ZHX3: variants seen among roughly 807,000 people sequenced by gnomAD.
ZHX3 encodes the protein zinc fingers and homeoboxes protein 3.
Under a neutral mutation model 64.5 loss-of-function variants are expected in ZHX3, and 20 were observed. The observed-to-expected ratio is 0.31, with a 90% CI of 0.22 to 0.45. The LOEUF (loss-of-function observed/expected upper bound fraction) is 0.45, where lower values mean the gene tolerates loss of function less well. Ranked by LOEUF, ZHX3 falls within the 20% of genes least tolerant of loss-of-function variation. The pLI, the probability that ZHX3 is intolerant of heterozygous loss-of-function variation, is 1.00. For missense variants in ZHX3, 1,041 were observed against 1,195.8 expected (o/e 0.87, Z 1.91); for synonymous variants, 423 against 461.6 (o/e 0.92, Z 1.07).
intron 2 of ZHX3, among the ~76,000 whole-genome samples, chr20:41,227,957 C>G (rs750653744): frequency 6.6e-6 from 1 of 152,154 alleles, no homozygotes. Flanking sequence ...CTCTGTCCCA[C>G]TTATTCAACT....
intron 2 of ZHX3, among the ~76,000 whole-genome samples, chr20:41,234,841 C>T (rs2040858868): frequency 6.6e-6 from 1 of 152,210 alleles, no homozygotes; most frequent in Admixed American, 6.5e-5. Flanking sequence ...GCATGCAGGG[C>T]CAGGCACCTA....
rs1483851133 is a variant in ZHX3 at position 41,228,737 on chromosome 20, A to G, written c.-150-23671T>C. Among the ~76,000 whole-genome samples the G allele has an allele frequency of 1.1e-4, 16 of 152,236 alleles. No homozygotes were observed. Among genetic ancestry groups the G allele is most frequent in the Non-Finnish European group, 1.5e-5 (1 of 68,036 alleles). On this transcript the variant is annotated intron_variant, in intron 2 of 3. Transcript: ENST00000683867. The surrounding 1 kb of genome is among the most constrained non-coding windows in gnomAD (Gnocchi z 4.6). ...TTTCAACACGTGAATTTTAGGAGAT[A>G]CATTCAGTCCACTGCACCATACATC...
At chr20:41,296,232 T>TAAAAAAAAAAAA (rs57987896) in intron 1 of ZHX3, among the ~76,000 whole-genome samples, 3 of 73,002 alleles carry the variant, frequency 4.1e-5, no homozygotes, top group Non-Finnish European at 9.0e-5. Context: ...GTTCATAAAG[T>TAAAAAAAAAAAA]AAAAAAAAAA....
rs529791633 is a variant in ZHX3, at chr20:41,281,736, A to T, written c.-244-12653T>A. ...ACATGAGGTTAATTAGTCCACAGCCATGTCACATATCACCTTGCAAACAGT... is the reference window on the plus strand; with the variant it reads ...ACATGAGGTTAATTAGTCCACAGCCTTGTCACATATCACCTTGCAAACAGT... On this transcript the variant is annotated intron_variant, in intron 1 of 3. Transcript: ENST00000683867. 7.2e-4 allele frequency among the ~76,000 whole-genome samples: 109 copies of T among 152,388 alleles called. 1 individual carries two copies. In the South Asian group the frequency reaches 0.022, roughly 30 times the overall value.
intron 1 of ZHX3, among the ~76,000 whole-genome samples, chr20:41,286,907 CT>C (rs1455702251): frequency 6.6e-6 from 1 of 151,830 alleles, no homozygotes; most frequent in Non-Finnish European, 1.5e-5. Context: ...GCAGTTTCCC[CT>C]GAGCTCTCTC....
intron 1 of ZHX3, among the ~76,000 whole-genome samples, chr20:41,311,124 T>A (rs1443332977): frequency 6.6e-6 from 1 of 152,200 alleles, no homozygotes; most frequent in Non-Finnish European, 1.5e-5. Context: ...CTGATAATTT[T>A]TATAAATTCA....
chr20:41,225,966 T>A (rs73263512), intron 2 of ZHX3, among the ~76,000 whole-genome samples: 9,407 of 152,144 alleles, frequency 0.062, 959 homozygotes, highest in African/African-American at 0.22. Flanking sequence ...TTTCTAAGAG[T>A]TTGACTACTT....
chr20:41,207,466 T>C lies in ZHX3; in HGVS notation c.-150-2400A>G, dbSNP rs943161474. Reference sequence around the variant, plus strand: ...GAAGTAAAGCACTCCTCAGCAAATGTAAAAGAACAGAAATTATAATAAACT... The same window carrying C: ...GAAGTAAAGCACTCCTCAGCAAATGCAAAAGAACAGAAATTATAATAAACT... On this transcript the variant is annotated intron_variant, in intron 2 of 3. Transcript: ENST00000683867. Among the ~76,000 whole-genome samples, 14 of 152,264 alleles carry C rather than the reference T, an allele frequency of 9.2e-5. No individual in the cohort carries two copies. In the South Asian group the frequency reaches 2.1e-3, roughly 23 times the overall value.
At chr20:41,223,116 A>G (rs1038307443) in intron 2 of ZHX3, among the ~76,000 whole-genome samples, 1 of 152,108 alleles carries the variant, frequency 6.6e-6, no homozygotes, top group African/African-American at 2.4e-5. Context: ...TACTCTGATT[A>G]TTTTTCTTTC....
At chr20:41,261,475 T>C (rs889187880) in intron 2 of ZHX3, among the ~76,000 whole-genome samples, 2 of 152,220 alleles carry the variant, frequency 1.3e-5, no homozygotes, top group East Asian at 1.9e-4. Context: ...TTAGGTTGTG[T>C]GGGAACTGAG....
chr20:41,259,708 T>C (rs1461883252), intron 2 of ZHX3, among the ~76,000 whole-genome samples: 1 of 152,056 alleles, frequency 6.6e-6, no homozygotes, highest in Admixed American at 6.6e-5. Flanking sequence ...ATGAAACCTA[T>C]ATATATGTAA....
chr20:41,248,855 G>T (rs964531533), intron 2 of ZHX3, among the ~76,000 whole-genome samples: 1 of 152,266 alleles, frequency 6.6e-6, no homozygotes, highest in African/African-American at 2.4e-5. Context: ...CTAACAAAAA[G>T]ATTTTTCCCC....
At position 41,205,833 on chromosome 20, in the gene ZHX3, A is replaced by G. The variant is rs536075306; in HGVS notation, c.-150-767T>C. ...TGGTCTCACCTTGAGATCTGAGAACAGTTGGACTGCCTCCCCAAGTGGGTC... is the reference window on the plus strand; with the variant it reads ...TGGTCTCACCTTGAGATCTGAGAACGGTTGGACTGCCTCCCCAAGTGGGTC... On this transcript the variant is annotated intron_variant, in intron 2 of 3. Coordinates refer to ENST00000683867, the MANE Select transcript of ZHX3 (RefSeq NM_001384317.1). 4.6e-5 allele frequency among the ~76,000 whole-genome samples: 7 copies of G among 152,300 alleles called. No homozygotes were observed. The South Asian group carries it at 1.2e-3, about 27-fold the overall frequency.
At chr20:41,297,633 A>AC (rs2044600352) in intron 1 of ZHX3, among the ~76,000 whole-genome samples, 1 of 151,846 alleles carries the variant, frequency 6.6e-6, no homozygotes, top group Non-Finnish European at 1.5e-5. Flanking sequence ...ATATGAAGTA[A>AC]CCCCCCTACA....
rs2036351726 is a variant in ZHX3 at position 41,184,278 on chromosome 20, T to TA, written c.*912dup. ...CAGGCTGTGGCTATAGATTTCCACT[T>TA]ACGTCCCTACCCCATGTCTTTTTTC... On this transcript the variant is annotated 3_prime_UTR_variant, in exon 4 of 4. Coordinates refer to ENST00000683867, the MANE Select transcript of ZHX3 (RefSeq NM_001384317.1). 1 of 152,338 alleles carries TA rather than the reference T, an allele frequency of 6.6e-6. No homozygotes were observed. Among genetic ancestry groups the TA allele is most frequent in the African/African-American group, 2.4e-5 (1 of 41,434 alleles). The allele number at this position is 152,338 out of a possible 1,614,324, so 9.4% of individuals were successfully genotyped here.
intron 1 of ZHX3, among the ~76,000 whole-genome samples, chr20:41,296,895 T>C (rs1330806349): frequency 6.6e-6 from 1 of 152,220 alleles, no homozygotes; most frequent in Non-Finnish European, 1.5e-5. Flanking sequence ...GACAATCTCT[T>C]CTGGCTCCTG....
chr20:41,286,078 G>C (rs893356911), intron 1 of ZHX3, among the ~76,000 whole-genome samples: 1 of 152,126 alleles, frequency 6.6e-6, no homozygotes, highest in Non-Finnish European at 1.5e-5. Context: ...AATTAAAAAT[G>C]CAAAAAATTA....
rs80134220 is a variant in ZHX3 at position 41,191,556 on chromosome 20, G to A, written c.2861-6355C>T. 7.2e-3 allele frequency among the ~76,000 whole-genome samples: 1,100 copies of A among 152,226 alleles called. 21 individuals carry two copies. The highest frequency in any genetic ancestry group is 7.9e-3 in the Non-Finnish European group (534 of 68,018). ...AAATTTATTGTGTTCCTTCTGAGGT[G>A]TCATATTTCCTTGCTTTTTCATGTT... On this transcript the variant is annotated intron_variant, in intron 3 of 3. Transcript: ENST00000683867.
intron 2 of ZHX3, among the ~76,000 whole-genome samples, chr20:41,260,813 T>A (rs534614131): frequency 1.3e-5 from 2 of 152,318 alleles, no homozygotes; most frequent in Admixed American, 6.5e-5. Flanking sequence ...AGTTTACAGA[T>A]GAGAAAATTG....
Sources: allele counts gnomAD v4.1 joint callset (sites outside exome capture counted in the v4.1 genomes callset), GRCh38; gene constraint gnomAD v4.1.1; non-coding constraint Gnocchi (gnomAD v3.1); transcripts MANE v1.5; gene names NCBI Gene and HGNC (gene_info 2026-07-23, HGNC 2026-07-21).